Variants in METTL24 observed in about 807,000 individuals in gnomAD.
The protein encoded by METTL24 is probable methyltransferase-like protein 24.
In METTL24, 29 loss-of-function variants were observed where a neutral mutation model predicts 32.7. The observed-to-expected ratio is 0.89, with a 90% confidence interval of 0.66 to 1.21. METTL24 has a LOEUF of 1.21. Among genes scored for constraint, METTL24 ranks in the 50% most tolerant of loss-of-function variants. The pLI, the probability that METTL24 is intolerant of heterozygous loss-of-function variation, is 0.00. For synonymous variants in METTL24, 163 were observed against 179.5 expected (o/e 0.91, Z 0.73); for missense variants, 439 against 468.1 (o/e 0.94, Z 0.57).
intron 1 of METTL24, among the ~76,000 whole-genome samples, chr6:110,347,326 GGTTTT>G (rs747448232): frequency 2.6e-5 from 4 of 152,070 alleles, no homozygotes; most frequent in Non-Finnish European, 5.9e-5. Context: ...CCTACCTCAC[GGTTTT>G]GTTTTGAGAA....
intron 1 of METTL24, among the ~76,000 whole-genome samples, chr6:110,326,301 C>A (rs1772015430): frequency 1.3e-5 from 2 of 152,194 alleles, no homozygotes; most frequent in Admixed American, 6.5e-5. Context: ...ACCCTTTTGT[C>A]CAATCACACT....
At chr6:110,355,127 T>G (rs1047180891) in intron 1 of METTL24, among the ~76,000 whole-genome samples, 1 of 152,142 alleles carries the variant, frequency 6.6e-6, no homozygotes, top group Non-Finnish European at 1.5e-5. Context: ...CGAAATGGAT[T>G]ATCAGGCCTC....
chr6:110,283,803 G>A (rs1373746669), intron 4 of METTL24, among the ~76,000 whole-genome samples: 3 of 152,126 alleles, frequency 2.0e-5, no homozygotes, highest in African/African-American at 7.2e-5. Flanking sequence ...ATCACCATGT[G>A]ATCCACAATT....
chr6:110,280,625 A>G (rs1771120995), intron 4 of METTL24, among the ~76,000 whole-genome samples: 1 of 151,980 alleles, frequency 6.6e-6, no homozygotes, highest in African/African-American at 2.4e-5. Context: ...TACCACTGAG[A>G]GAAAAGTGTG....
At chr6:110,306,022 G>T (rs920559181) in intron 3 of METTL24, among the ~76,000 whole-genome samples, 1 of 152,120 alleles carries the variant, frequency 6.6e-6, no homozygotes, top group African/African-American at 2.4e-5. Context: ...CATTTTCTTT[G>T]CAGGGACATG....
At chr6:110,256,669 A>G (rs1313146100) in intron 4 of METTL24, among the ~76,000 whole-genome samples, 6 of 152,118 alleles carry the variant, frequency 3.9e-5, no homozygotes, top group African/African-American at 1.2e-4. Context: ...GACCTCACTG[A>G]TGGAAAGAGA....
At chr6:110,263,865 T>C (rs574401621) in intron 4 of METTL24, among the ~76,000 whole-genome samples, 14 of 152,286 alleles carry the variant, frequency 9.2e-5, no homozygotes, top group Admixed American at 8.5e-4. Flanking sequence ...AAAGAAGAAA[T>C]GGGGAAAGGA....
chr6:110,308,479 C>A (rs1771663825), intron 3 of METTL24, among the ~76,000 whole-genome samples: 1 of 152,172 alleles, frequency 6.6e-6, no homozygotes, highest in Admixed American at 6.5e-5. Flanking sequence ...GATACCACTT[C>A]ACATCCACTA....
At chr6:110,296,289 A>G in intron 4 of METTL24, among the ~76,000 whole-genome samples, 1 of 152,382 alleles carries the variant, frequency 6.6e-6, no homozygotes, top group Middle Eastern at 3.4e-3. Context: ...ATATGAGCAG[A>G]AACTTCAGAT....
chr6:110,275,868 C>T (rs527941685), intron 4 of METTL24, among the ~76,000 whole-genome samples: 1 of 152,156 alleles, frequency 6.6e-6, no homozygotes, highest in Non-Finnish European at 1.5e-5. Flanking sequence ...GGAAATCATA[C>T]CATGAACCTC....
In METTL24 at chr6:110,328,052, G is replaced by A. The variant is rs1375797488; in HGVS notation, c.319-5180C>T. On this transcript the variant is annotated intron_variant, in intron 1 of 4. Coordinates refer to ENST00000338882, the MANE Select transcript of METTL24 (RefSeq NM_001123364.3). ...AACATCATTTTGGATTGGTCTGTTT[G>A]TCTGTCCCCAGGAGGCCTGAGCTGA... Among the ~76,000 whole-genome samples the A allele has an allele frequency of 2.0e-5, 3 of 152,324 alleles. No individual in the cohort carries two copies. The East Asian group carries it at 5.8e-4, about 29-fold the overall frequency.
chr6:110,267,563 G>A (rs1282482285), intron 4 of METTL24, among the ~76,000 whole-genome samples: 2 of 152,126 alleles, frequency 1.3e-5, no homozygotes, highest in Admixed American at 6.6e-5. Flanking sequence ...ATTTGTTTTG[G>A]ATGCACCATT....
intron 4 of METTL24, among the ~76,000 whole-genome samples, chr6:110,284,443 G>A (rs945018590): frequency 1.1e-4 from 16 of 151,984 alleles, no homozygotes; most frequent in Admixed American, 2.0e-4. Context: ...AGCACAGGAC[G>A]TTGCACATAG....
At chr6:110,289,922 A>G (rs184518523) in intron 4 of METTL24, among the ~76,000 whole-genome samples, 4 of 152,158 alleles carry the variant, frequency 2.6e-5, no homozygotes, top group African/African-American at 9.7e-5. Context: ...TAATTTATAT[A>G]CAAGGAAATT....
intron 4 of METTL24, among the ~76,000 whole-genome samples, chr6:110,275,912 T>C (rs896326465): frequency 6.6e-6 from 1 of 152,180 alleles, no homozygotes; most frequent in African/African-American, 2.4e-5. Flanking sequence ...TCAGCCAAAA[T>C]GGCAAAGAAG....
chr6:110,269,053 C>T (rs1035507108), intron 4 of METTL24, among the ~76,000 whole-genome samples: 1 of 152,052 alleles, frequency 6.6e-6, no homozygotes, highest in African/African-American at 2.4e-5. Context: ...AAGAAACAAA[C>T]GTATGACATC....
intron 1 of METTL24, among the ~76,000 whole-genome samples, chr6:110,343,578 G>T (rs541899950): frequency 6.6e-6 from 1 of 152,210 alleles, no homozygotes; most frequent in East Asian, 1.9e-4. Context: ...TAAATTGCCT[G>T]AGGAAGAAAA....
intron 4 of METTL24, among the ~76,000 whole-genome samples, chr6:110,262,184 T>G (rs1236426623): frequency 4.6e-5 from 7 of 152,142 alleles, no homozygotes; most frequent in Non-Finnish European, 1.0e-4. Context: ...AGGAGCTGGT[T>G]TTTTGAAAAG....
intron 4 of METTL24, among the ~76,000 whole-genome samples, chr6:110,293,372 A>G (rs1204296054): frequency 6.6e-6 from 1 of 151,858 alleles, no homozygotes; most frequent in Non-Finnish European, 1.5e-5. Context: ...TCCTTTTTAT[A>G]TTCTAACTGG....
Sources: gnomAD v4.1 joint callset for allele counts (sites outside exome capture counted in the v4.1 genomes callset) on GRCh38, gnomAD v4.1.1 for gene constraint, MANE v1.5 for transcripts, NCBI Gene and HGNC (gene_info 2026-07-23, HGNC 2026-07-21) for gene names.